Variants in CDH13 observed in about 807,000 individuals in gnomAD.
CDH13 encodes the protein cadherin-13.
Under a neutral mutation model 63.8 loss-of-function variants are expected in CDH13, and 24 were observed. The observed-to-expected ratio is 0.38, with a 90% CI of 0.27 to 0.53. CDH13 has a LOEUF of 0.53. CDH13 is among the 20% of genes least tolerant of loss of function. CDH13 has a pLI of 0.85. For synonymous variants in CDH13, 503 were observed against 355.3 expected (o/e 1.42, Z -4.67); for missense variants, 1,049 against 903.1 (o/e 1.16, Z -2.07).
intron 1 of CDH13, among the ~76,000 whole-genome samples, chr16:82,702,808 G>T (rs951718171): frequency 2.6e-5 from 4 of 152,106 alleles, no homozygotes; most frequent in African/African-American, 7.2e-5. Context: ...GGCCCCCAGG[G>T]TTCAGCTCCC....
chr16:83,414,062 T>C (rs535945884), intron 6 of CDH13, among the ~76,000 whole-genome samples: 1 of 152,346 alleles, frequency 6.6e-6, no homozygotes, highest in South Asian at 2.1e-4. Flanking sequence ...CAATACTTGA[T>C]TCTTTTACTT....
chr16:82,793,579 C>G (rs554994102), intron 1 of CDH13, among the ~76,000 whole-genome samples: 1 of 152,196 alleles, frequency 6.6e-6, no homozygotes, highest in Admixed American at 6.5e-5. Flanking sequence ...TTGGTGAACC[C>G]CTGCTGGGCC....
intron 5 of CDH13, among the ~76,000 whole-genome samples, chr16:83,248,325 T>C (rs1397430313): frequency 6.6e-6 from 1 of 152,174 alleles, no homozygotes; most frequent in Non-Finnish European, 1.5e-5. Flanking sequence ...CCTCTAGCTA[T>C]GTCCTTCAGG....
At chr16:83,334,507 G>C (rs1780410422) in intron 5 of CDH13, among the ~76,000 whole-genome samples, 1 of 149,484 alleles carries the variant, frequency 6.7e-6, no homozygotes, top group Non-Finnish European at 1.5e-5. Flanking sequence ...GAGTAGCTGG[G>C]AGTACAGGCA....
intron 6 of CDH13, among the ~76,000 whole-genome samples, chr16:83,387,842 G>A (rs2091704976): frequency 6.6e-6 from 1 of 152,130 alleles, no homozygotes. Context: ...GCCTTGGTTT[G>A]CAGTGTTTAC....
intron 1 of CDH13, among the ~76,000 whole-genome samples, chr16:82,756,350 C>G (rs1414065286): frequency 1.3e-5 from 2 of 152,232 alleles, no homozygotes; most frequent in Middle Eastern, 3.4e-3. Context: ...GTCTGGACTG[C>G]TATAGTAATG....
At chr16:82,863,288 T>C (rs948170709) in intron 2 of CDH13, among the ~76,000 whole-genome samples, 1 of 152,168 alleles carries the variant, frequency 6.6e-6, no homozygotes, top group Non-Finnish European at 1.5e-5. Context: ...CTTTCCTTAG[T>C]AGAGAAATAT....
At chr16:83,471,219 C>T (rs1428508114) in intron 6 of CDH13, among the ~76,000 whole-genome samples, 2 of 150,774 alleles carry the variant, frequency 1.3e-5, no homozygotes, top group Admixed American at 1.3e-4. Context: ...AAGATATTCA[C>T]AGTTGTTGGG....
chr16:83,200,209 C>T lies in CDH13; in HGVS notation c.484-17136C>T, dbSNP rs537509808. Among the ~76,000 whole-genome samples, 15 of 152,238 alleles carry T rather than the reference C, an allele frequency of 9.9e-5. No homozygotes were observed. In the East Asian group the frequency reaches 1.5e-3, roughly 16 times the overall value. On this transcript the variant is annotated intron_variant, in intron 4 of 13. Transcript: ENST00000567109. ...AACAGGATGAGGGTGTGAGCCTGGG[C>T]GCTGGGTGGCAGCCTTGTCCATCAC...
At chr16:83,169,585 T>C (rs566258045) in intron 4 of CDH13, among the ~76,000 whole-genome samples, 2 of 152,020 alleles carry the variant, frequency 1.3e-5, no homozygotes, top group Admixed American at 6.6e-5. Context: ...CTCCATGTCT[T>C]GGGAAGCAGC....
intron 13 of CDH13, among the ~76,000 whole-genome samples, chr16:83,783,923 A>C (rs1281221526): frequency 1.3e-5 from 2 of 152,234 alleles, no homozygotes; most frequent in Non-Finnish European, 2.9e-5. Flanking sequence ...CTGCAGGGAA[A>C]ATGATAAATG....
intron 1 of CDH13, among the ~76,000 whole-genome samples, chr16:82,832,267 A>G (rs2038575840): frequency 6.6e-6 from 1 of 152,218 alleles, no homozygotes; most frequent in Non-Finnish European, 1.5e-5. Context: ...AAATGGCAGA[A>G]TATTAACCAT....
chr16:82,912,734 G>C (rs759579887), intron 2 of CDH13, among the ~76,000 whole-genome samples: 8 of 152,144 alleles, frequency 5.3e-5, no homozygotes, highest in Admixed American at 1.3e-4. Flanking sequence ...ACGAGGTCAG[G>C]AGATCGAAAC....
chr16:83,191,528 C>CATATATATATATATATATATATAT (rs1479803621), intron 4 of CDH13, among the ~76,000 whole-genome samples: 2 of 70,108 alleles, frequency 2.9e-5, no homozygotes, highest in Non-Finnish European at 5.4e-5. Flanking sequence ...CACACACACA[C>CATATATATATATATATATATATAT]ACATATATAT....
intron 5 of CDH13, among the ~76,000 whole-genome samples, chr16:83,273,351 G>C (rs1379812328): frequency 6.6e-6 from 1 of 151,906 alleles, no homozygotes; most frequent in Non-Finnish European, 1.5e-5. Flanking sequence ...TCACCCTCAA[G>C]TAGGCCCTGG....
At chr16:83,754,385 C>G (rs1371172589) in intron 11 of CDH13, among the ~76,000 whole-genome samples, 3 of 152,270 alleles carry the variant, frequency 2.0e-5, no homozygotes, top group South Asian at 4.1e-4. Flanking sequence ...TGCCCAGCAA[C>G]AGGAGTAAGC....
At chr16:83,535,757 G>A (rs561088532) in intron 7 of CDH13, among the ~76,000 whole-genome samples, 1 of 145,044 alleles carries the variant, frequency 6.9e-6, no homozygotes, top group African/African-American at 2.5e-5. Flanking sequence ...TGAATGGAAG[G>A]AAAGAGCTTA....
At chr16:83,303,514 T>A (rs2089799240) in intron 5 of CDH13, among the ~76,000 whole-genome samples, 1 of 152,198 alleles carries the variant, frequency 6.6e-6, no homozygotes, top group Non-Finnish European at 1.5e-5. Flanking sequence ...TTGTCTGGGC[T>A]GTAGGTGTGA....
chr16:83,523,849 C>T (rs2074896562), intron 7 of CDH13, among the ~76,000 whole-genome samples: 1 of 152,168 alleles, frequency 6.6e-6, no homozygotes, highest in African/African-American at 2.4e-5. Context: ...TTATGCAGCT[C>T]CTAGAAGTAT....
Sources: gnomAD v4.1 joint callset for allele counts (sites outside exome capture counted in the v4.1 genomes callset) on GRCh38, gnomAD v4.1.1 for gene constraint, MANE v1.5 for transcripts, NCBI Gene and HGNC (gene_info 2026-07-23, HGNC 2026-07-21) for gene names.